The following GPC5 variants were observed in gnomAD, a reference collection of about 807,000 sequenced individuals.
The protein encoded by GPC5 is glypican 5, also known as glypican-5.
A neutral mutation model predicts 53.9 loss-of-function variants in GPC5; 47 were observed. That is an observed-to-expected ratio of 0.87 (90% CI 0.69 to 1.11). The LOEUF is 1.11. GPC5 is among the 50% of genes most tolerant of loss of function. GPC5 has a pLI of 0.00. For missense variants in GPC5, 748 were observed against 713.1 expected (o/e 1.05, Z -0.56); for synonymous variants, 286 against 263.3 (o/e 1.09, Z -0.84).
chr13:92,699,009 C>T (rs1159267714), intron 7 of GPC5, among the ~76,000 whole-genome samples: 3 of 152,070 alleles, frequency 2.0e-5, no homozygotes, highest in Non-Finnish European at 4.4e-5. Flanking sequence ...GGTACCAGCT[C>T]GTTTTTGTAC....
intron 2 of GPC5, among the ~76,000 whole-genome samples, chr13:91,601,501 A>G (rs1372857910): frequency 6.6e-6 from 1 of 152,190 alleles, no homozygotes; most frequent in Non-Finnish European, 1.5e-5. Flanking sequence ...CGGGCCACAT[A>G]GTAAGAGATG....
intron 7 of GPC5, among the ~76,000 whole-genome samples, chr13:92,642,820 G>A (rs1885637322): frequency 6.6e-6 from 1 of 152,172 alleles, no homozygotes; most frequent in Non-Finnish European, 1.5e-5. Flanking sequence ...GAAAAGAGAA[G>A]TAGAAATGCA....
At chr13:92,345,832 C>T (rs1323762601) in intron 7 of GPC5, among the ~76,000 whole-genome samples, 1 of 152,134 alleles carries the variant, frequency 6.6e-6, no homozygotes, top group Non-Finnish European at 1.5e-5. Flanking sequence ...CCTAAACTGC[C>T]TGAGGTCAGA....
At chr13:91,961,290 A>G (rs1323944822) in intron 6 of GPC5, among the ~76,000 whole-genome samples, 1 of 151,996 alleles carries the variant, frequency 6.6e-6, no homozygotes, top group Non-Finnish European at 1.5e-5. Context: ...TACCTTGTAT[A>G]TATATATACA....
chr13:92,126,763 T>A (rs1044858468), intron 6 of GPC5, among the ~76,000 whole-genome samples: 6 of 152,090 alleles, frequency 3.9e-5, no homozygotes, highest in Non-Finnish European at 8.8e-5. Context: ...ATGTAGGGTG[T>A]TAGGTCCTTA....
chr13:92,837,840 C>A (rs1318235045), intron 7 of GPC5, among the ~76,000 whole-genome samples: 1 of 152,142 alleles, frequency 6.6e-6, no homozygotes, highest in Non-Finnish European at 1.5e-5. Flanking sequence ...TGCCTGTAAT[C>A]CCAGCACTTT....
intron 7 of GPC5, among the ~76,000 whole-genome samples, chr13:92,810,267 A>C (rs559346636): frequency 1.3e-5 from 2 of 151,390 alleles, no homozygotes; most frequent in African/African-American, 2.5e-5. Context: ...AGTTATTAGA[A>C]AAGAATTAGT....
chr13:92,257,832 G>A (rs1046567375), intron 7 of GPC5, among the ~76,000 whole-genome samples: 1 of 152,008 alleles, frequency 6.6e-6, no homozygotes, highest in African/African-American at 2.4e-5. Flanking sequence ...TTACAGGCCT[G>A]AGCCACCACG....
chr13:91,967,051 AAG>A (rs1357897503), intron 6 of GPC5, among the ~76,000 whole-genome samples: 28 of 152,354 alleles, frequency 1.8e-4, no homozygotes, highest in African/African-American at 5.8e-4. Flanking sequence ...TATAAAGAAA[AAG>A]AAGTTTAATG....
chr13:92,681,452 C>A (rs901519804), intron 7 of GPC5, among the ~76,000 whole-genome samples: 4 of 151,922 alleles, frequency 2.6e-5, no homozygotes, highest in Admixed American at 1.3e-4. Flanking sequence ...TCCTTACATT[C>A]CTTTCTCTCC....
intron 6 of GPC5, among the ~76,000 whole-genome samples, chr13:92,136,361 A>G (rs969977029): frequency 6.6e-6 from 1 of 151,020 alleles, no homozygotes; most frequent in Non-Finnish European, 1.5e-5. Flanking sequence ...GTATATATCC[A>G]TAATTTTTTA....
chr13:92,681,726 G>A (rs1050110337), intron 7 of GPC5, among the ~76,000 whole-genome samples: 4 of 152,076 alleles, frequency 2.6e-5, no homozygotes, highest in Admixed American at 1.3e-4. Flanking sequence ...GAACAACGTG[G>A]TTCTGCTTTC....
At chr13:91,714,916 C>T (rs774460217) in intron 3 of GPC5, among the ~76,000 whole-genome samples, 1 of 152,216 alleles carries the variant, frequency 6.6e-6, no homozygotes. Context: ...GGTGTTACAG[C>T]TCAGGCAGTG....
chr13:91,444,565 T>A (rs1173830827), intron 1 of GPC5, among the ~76,000 whole-genome samples: 1 of 152,188 alleles, frequency 6.6e-6, no homozygotes, highest in Admixed American at 6.5e-5. Context: ...TCTGTTAATT[T>A]TGTGTAGTGT....
At chr13:91,478,902 T>TATATAC (rs201918417) in intron 2 of GPC5, among the ~76,000 whole-genome samples, 1 of 90,298 alleles carries the variant, frequency 1.1e-5, no homozygotes, top group African/African-American at 6.0e-5. Context: ...TATATATATA[T>TATATAC]GCACATATAT....
At chr13:91,833,288 G>T (rs1402244723) in intron 5 of GPC5, among the ~76,000 whole-genome samples, 4 of 152,138 alleles carry the variant, frequency 2.6e-5, no homozygotes, top group Admixed American at 2.6e-4. Context: ...AGACTGGATA[G>T]ATTCACAGCC....
chr13:91,806,180 C>G (rs61967084), intron 5 of GPC5, among the ~76,000 whole-genome samples: 1 of 151,040 alleles, frequency 6.6e-6, no homozygotes, highest in Non-Finnish European at 1.5e-5. Flanking sequence ...GGACTACAGA[C>G]ATCTGCCACC....
chr13:91,900,166 A>G (rs976291913), intron 5 of GPC5, among the ~76,000 whole-genome samples: 1 of 152,170 alleles, frequency 6.6e-6, no homozygotes, highest in Non-Finnish European at 1.5e-5. Context: ...AAAAATACAA[A>G]AAAGCTATAT....
At chr13:92,665,797 C>A (rs1594400295) in intron 7 of GPC5, among the ~76,000 whole-genome samples, 2 of 152,260 alleles carry the variant, frequency 1.3e-5, no homozygotes, top group Middle Eastern at 3.4e-3. Context: ...TACCAAATGC[C>A]TTATGTGTAC....
Sources: gnomAD v4.1 joint callset for allele counts (sites outside exome capture counted in the v4.1 genomes callset) on GRCh38, gnomAD v4.1.1 for gene constraint, MANE v1.5 for transcripts, NCBI Gene and HGNC (gene_info 2026-07-23, HGNC 2026-07-21) for gene names.